Variants in NEO1 observed in about 807,000 individuals in gnomAD.
NEO1 encodes neogenin 1.
NEO1 carries 63 observed loss-of-function variants against 159.7 expected under a neutral mutation model. The ratio of observed to expected loss-of-function variants is 0.39; its 90% CI spans 0.32 to 0.49. The LOEUF is 0.49. Among genes scored for constraint, NEO1 ranks in the 20% least tolerant of loss-of-function variants. The pLI is 0.85. For synonymous variants in NEO1, 633 were observed against 662.0 expected (o/e 0.96, Z 0.67); for missense variants, 1,615 against 1,831.0 (o/e 0.88, Z 2.15).
intron 8 of NEO1, 119 bp from the exon 9 acceptor site, chr15:73,244,225 T>G: frequency 8.6e-7 from 1 of 1,158,132 alleles, no homozygotes; most frequent in Non-Finnish European, 1.2e-6. Flanking sequence ...AAAAGCTTCA[T>G]TGTTTGAGAG....
rs540936505 is a variant in NEO1, at chr15:73,084,665, G to T, written c.130+31860G>T. On this transcript the variant is annotated intron_variant, in intron 1 of 28. Coordinates refer to ENST00000261908, the MANE Select transcript of NEO1 (RefSeq NM_002499.4). Reference sequence around the variant, plus strand: ...TTCATTTCCTTTGGATATATACCCAGTGGTGGGATTGCTGGATCATAGGGA... The same window carrying T: ...TTCATTTCCTTTGGATATATACCCATTGGTGGGATTGCTGGATCATAGGGA... Among the ~76,000 whole-genome samples, 11 of 152,258 alleles carry T rather than the reference G, an allele frequency of 7.2e-5. No individual in the cohort carries two copies. The East Asian group carries it at 2.1e-3, about 29-fold the overall frequency.
At chr15:73,187,501 G>A (rs1039791915) in intron 7 of NEO1, among the ~76,000 whole-genome samples, 1 of 152,128 alleles carries the variant, frequency 6.6e-6, no homozygotes, top group African/African-American at 2.4e-5. Flanking sequence ...TGAAAGATAC[G>A]TATCATGTAG....
chr15:73,103,478 T>C (rs2070512014), intron 1 of NEO1, among the ~76,000 whole-genome samples: 1 of 152,212 alleles, frequency 6.6e-6, no homozygotes. Context: ...AGGTTTCATG[T>C]CATTTTGCAG....
chr15:73,199,218 G>A (rs2036714463), intron 7 of NEO1, among the ~76,000 whole-genome samples: 1 of 150,714 alleles, frequency 6.6e-6, no homozygotes, highest in South Asian at 2.1e-4. Flanking sequence ...ACTGGGATAT[G>A]GGTTTTTGAG....
chr15:73,055,638 C>A (rs971132291), intron 1 of NEO1, among the ~76,000 whole-genome samples: 1 of 152,204 alleles, frequency 6.6e-6, no homozygotes, highest in Non-Finnish European at 1.5e-5. Context: ...TCGGTACCTT[C>A]ACTAAATAGG....
chr15:73,116,128 A>G (rs2071297997), intron 1 of NEO1, among the ~76,000 whole-genome samples: 2 of 152,212 alleles, frequency 1.3e-5, no homozygotes, highest in Admixed American at 6.5e-5. Context: ...TGAAAAAAAT[A>G]CAAATAACTG....
At chr15:73,178,654 AT>A (rs2035418613) in intron 7 of NEO1, among the ~76,000 whole-genome samples, 2 of 152,242 alleles carry the variant, frequency 1.3e-5, no homozygotes, top group Middle Eastern at 3.2e-3. Flanking sequence ...GGAAAACTGA[AT>A]ATTATAGTCT....
rs748835043 is a variant in NEO1 at position 73,090,006 on chromosome 15, CAG to C, written c.131-26532_131-26531del. Reference sequence around the variant, plus strand: ...TATTTAGAGCATTTTATTTTACTCTCAGATGTGTCCTGGTTTGGAAGATAATT... The same window carrying C: ...TATTTAGAGCATTTTATTTTACTCTCATGTGTCCTGGTTTGGAAGATAATT... On this transcript the variant is annotated intron_variant, in intron 1 of 28. Coordinates refer to ENST00000261908, the MANE Select transcript of NEO1 (RefSeq NM_002499.4). Among the ~76,000 whole-genome samples the C allele has an allele frequency of 5.9e-5, 9 of 152,226 alleles. No homozygotes were observed. The East Asian group carries it at 9.7e-4, about 16-fold the overall frequency.
intron 1 of NEO1, among the ~76,000 whole-genome samples, chr15:73,111,221 T>TA (rs2070969227): frequency 6.6e-6 from 1 of 152,226 alleles, no homozygotes; most frequent in African/African-American, 2.4e-5. Flanking sequence ...CAAGCATCTG[T>TA]ACATGTGTAC....
At chr15:73,187,978 C>T (rs1333674359) in intron 7 of NEO1, among the ~76,000 whole-genome samples, 1 of 152,154 alleles carries the variant, frequency 6.6e-6, no homozygotes, top group African/African-American at 2.4e-5. Context: ...ATCATTTCTC[C>T]TTCAGGCTGC....
chr15:73,169,633 C>T (rs997098944), intron 5 of NEO1, among the ~76,000 whole-genome samples: 5 of 146,634 alleles, frequency 3.4e-5, no homozygotes, highest in African/African-American at 9.9e-5. Flanking sequence ...AAATTATCTG[C>T]TCCCCCCTCC....
chr15:73,295,388 A>G (rs1476378954), intron 26 of NEO1, among the ~76,000 whole-genome samples: 2 of 151,774 alleles, frequency 1.3e-5, no homozygotes, highest in Non-Finnish European at 2.9e-5. Context: ...CTCACATGCT[A>G]GGATGTGGTC....
chr15:73,152,058 CA>C (rs1316201440), intron 5 of NEO1, among the ~76,000 whole-genome samples: 5 of 151,948 alleles, frequency 3.3e-5, no homozygotes, highest in Non-Finnish European at 7.4e-5. Context: ...ATAAGTTTTC[CA>C]TATAAATAAA....
At chr15:73,200,159 A>AG (rs1362955336) in intron 7 of NEO1, among the ~76,000 whole-genome samples, 26 of 152,344 alleles carry the variant, frequency 1.7e-4, no homozygotes, top group African/African-American at 5.5e-4. Flanking sequence ...GAAACTATCT[A>AG]GGCCTAGTGC....
At chr15:73,163,340 G>A (rs535650567) in intron 5 of NEO1, among the ~76,000 whole-genome samples, 68 of 152,062 alleles carry the variant, frequency 4.5e-4, no homozygotes, top group South Asian at 1.7e-3. Flanking sequence ...GAATCAAACC[G>A]TATCAACAAA....
chr15:73,136,770 C>T lies in NEO1; in HGVS notation c.1015+743C>T, dbSNP rs530516090. Among the ~76,000 whole-genome samples, 6 of 152,192 alleles carry T rather than the reference C, an allele frequency of 3.9e-5. No homozygotes were observed. In the South Asian group the frequency reaches 1.2e-3, roughly 32 times the overall value. On this transcript the variant is annotated intron_variant, in intron 5 of 28. Transcript: ENST00000261908. ...TTTATCCCCATTTCCTGTGCCATTC[C>T]TCCATATGGAAATGTACCCTCAAGT...
intron 2 of NEO1, among the ~76,000 whole-genome samples, chr15:73,122,094 T>TATATAC (rs1321511495): frequency 4.8e-5 from 5 of 103,788 alleles, no homozygotes; most frequent in Admixed American, 2.0e-4. Flanking sequence ...TATATATATA[T>TATATAC]ACACATTATA....
At chr15:73,231,455 CAT>C (rs2038905993) in intron 7 of NEO1, among the ~76,000 whole-genome samples, 1 of 152,190 alleles carries the variant, frequency 6.6e-6, no homozygotes, top group South Asian at 2.1e-4. Context: ...AAACAGGTCA[CAT>C]GTGGTGGCTC....
At chr15:73,250,808 A>G (rs2150943706) in intron 11 of NEO1, among the ~76,000 whole-genome samples, 1 of 152,342 alleles carries the variant, frequency 6.6e-6, no homozygotes, top group South Asian at 2.1e-4. Flanking sequence ...TGGAGATAAA[A>G]AAACAGCCAT....
Sources: gnomAD v4.1 joint callset for allele counts (sites outside exome capture counted in the v4.1 genomes callset) on GRCh38, gnomAD v4.1.1 for gene constraint, MANE v1.5 for transcripts, NCBI Gene and HGNC (gene_info 2026-07-23, HGNC 2026-07-21) for gene names.